Variants in FAT3 observed in about 807,000 individuals in gnomAD.
The protein encoded by FAT3 is protocadherin Fat 3.
A neutral mutation model predicts 310.2 loss-of-function variants in FAT3; 95 were observed. The ratio of observed to expected loss-of-function variants is 0.31; its 90% CI spans 0.26 to 0.36. The LOEUF is 0.36. Among genes scored for constraint, FAT3 ranks in the 10% least tolerant of loss-of-function variants. The pLI is 1.00. For missense variants in FAT3, 5,408 were observed against 5,715.6 expected (o/e 0.95, Z 1.74); for synonymous variants, 2,314 against 2,192.9 (o/e 1.06, Z -1.54).
At position 92,883,407 on chromosome 11, in the gene FAT3, G is replaced by T; in HGVS notation, c.12937+14G>T. The T allele has an allele frequency of 6.3e-7, 1 of 1,586,042 alleles. No individual in the cohort carries two copies. The highest frequency in any genetic ancestry group is 8.6e-7 in the Non-Finnish European group (1 of 1,164,288). On this transcript the variant is annotated intron_variant, in intron 24 of 27. Transcript: ENST00000525166. This position sits in a 1 kb window ranked among gnomAD's most constrained non-coding sequence, Gnocchi z 4.2. ...CGGGAACTGAGAGTGAGTAGGAAGTGGTAATGCTCACCCCTCGGTGCTTAC... is the reference window on the plus strand; with the variant it reads ...CGGGAACTGAGAGTGAGTAGGAAGTTGTAATGCTCACCCCTCGGTGCTTAC...
intron 3 of FAT3, among the ~76,000 whole-genome samples, chr11:92,664,398 C>A (rs1348131604): frequency 1.3e-5 from 2 of 152,142 alleles, no homozygotes; most frequent in Non-Finnish European, 2.9e-5. Flanking sequence ...AGGAGATGGT[C>A]CTCAATATCT....
At chr11:92,275,200 A>G (rs1296821535) in intron 1 of FAT3, among the ~76,000 whole-genome samples, 1 of 152,032 alleles carries the variant, frequency 6.6e-6, no homozygotes, top group Non-Finnish European at 1.5e-5. Context: ...CCAGACCCTC[A>G]TCTTCTTGTC....
chr11:92,685,345 A>G (rs563331251), intron 3 of FAT3, among the ~76,000 whole-genome samples: 1 of 152,280 alleles, frequency 6.6e-6, no homozygotes, highest in Non-Finnish European at 1.5e-5. Context: ...ACCAAAAAAC[A>G]TGGCTTTTTA....
At chr11:92,404,725 A>G (rs1233050026) in intron 2 of FAT3, among the ~76,000 whole-genome samples, 1 of 151,958 alleles carries the variant, frequency 6.6e-6, no homozygotes, top group Non-Finnish European at 1.5e-5. Context: ...GCTTCTGAAT[A>G]GCATTTGATT....
intron 2 of FAT3, among the ~76,000 whole-genome samples, chr11:92,369,994 A>G (rs1949142127): frequency 6.6e-6 from 1 of 152,200 alleles, no homozygotes; most frequent in African/African-American, 2.4e-5. Context: ...AATCACGAGT[A>G]ACAATATACC....
chr11:92,356,005 A>T (rs1948719874), intron 2 of FAT3, among the ~76,000 whole-genome samples: 1 of 152,210 alleles, frequency 6.6e-6, no homozygotes, highest in Non-Finnish European at 1.5e-5. Context: ...AATTTTATTT[A>T]TAAAAATTGA....
intron 1 of FAT3, among the ~76,000 whole-genome samples, chr11:92,256,394 TTA>T (rs200176764): frequency 4.0e-5 from 6 of 150,708 alleles, no homozygotes; most frequent in South Asian, 4.2e-4. Flanking sequence ...TCACAATTGT[TTA>T]TATATATATA....
rs748081064 is a variant in FAT3 at position 92,352,844 on chromosome 11, T to C, written c.732T>C (p.Asn244=). ...GGGGAATGAAACTGTATGGGAACAATGGAGTGAGCAGTACTGCAAAGCTTT... is the reference window on the plus strand; with the variant it reads ...GGGGAATGAAACTGTATGGGAACAACGGAGTGAGCAGTACTGCAAAGCTTT... ...VDRGMKLYGN[N]GVSSTAKLYV... The change falls in exon 2 of 28, where the codon AAT becomes AAC. Residue 244 remains asparagine, a synonymous_variant. Transcript: ENST00000525166. 5 of 1,613,872 alleles carry C rather than the reference T, an allele frequency of 3.1e-6. 1 individual carries two copies. The highest frequency in any genetic ancestry group is 3.4e-6 in the Non-Finnish European group (4 of 1,179,858).
rs1205272862 is a variant in FAT3, at chr11:92,352,612, T to C, written c.500T>C (p.Ile167Thr). 1 of 1,613,836 alleles carries C rather than the reference T, an allele frequency of 6.2e-7. No homozygotes were observed. The highest frequency in any genetic ancestry group is 8.5e-7 in the Non-Finnish European group (1 of 1,179,856). The change falls in exon 2 of 28, where the codon ATA (isoleucine) becomes ACA (threonine). Residue 167 changes from isoleucine to threonine, a missense_variant. Ile to Thr is a moderately conservative substitution (Grantham distance 89, BLOSUM62 -1). This residue lies in a region of FAT3 where 4,588 missense variants were observed against 4,809.8 expected (regional missense o/e 0.95). Transcript: ENST00000525166. ...TCACCCACAACATACTCTGTTACCA[T>C]AGCAGAAAGCACACCTCTAAGGACT... is the stretch of plus-strand genomic sequence containing the variant. Reference protein sequence around the residue: ...LFSPTTYSVTIAESTPLRTSV... With the variant: ...LFSPTTYSVTTAESTPLRTSV...
At chr11:92,630,823 A>T (rs1242668790) in intron 3 of FAT3, among the ~76,000 whole-genome samples, 6 of 152,080 alleles carry the variant, frequency 3.9e-5, no homozygotes, top group Admixed American at 3.9e-4. Context: ...TGAATGCTTA[A>T]CTCCATGAAT....
At chr11:92,855,049 A>C (rs1017541294) in intron 19 of FAT3, among the ~76,000 whole-genome samples, 3 of 152,218 alleles carry the variant, frequency 2.0e-5, no homozygotes, top group Non-Finnish European at 4.4e-5. Flanking sequence ...ATATGTGTAC[A>C]TTGCCACCTC....
chr11:92,730,519 G>A (rs1483172538), intron 4 of FAT3, among the ~76,000 whole-genome samples: 1 of 152,196 alleles, frequency 6.6e-6, no homozygotes, highest in East Asian at 1.9e-4. Context: ...GCAAGGAAAG[G>A]AACAGGACCA....
intron 2 of FAT3, among the ~76,000 whole-genome samples, chr11:92,504,183 A>G (rs1430488573): frequency 6.6e-6 from 1 of 152,164 alleles, no homozygotes; most frequent in Non-Finnish European, 1.5e-5. Context: ...GGAAAACACA[A>G]TGTGAGAGCC....
intron 1 of FAT3, among the ~76,000 whole-genome samples, chr11:92,249,252 GCAA>G (rs905008998): frequency 6.6e-6 from 1 of 152,054 alleles, no homozygotes; most frequent in African/African-American, 2.4e-5. Flanking sequence ...AATTGAGATG[GCAA>G]CGATGATCAG....
intron 3 of FAT3, among the ~76,000 whole-genome samples, chr11:92,666,581 C>T (rs749715521): frequency 3.2e-4 from 48 of 150,808 alleles, no homozygotes; most frequent in South Asian, 1.3e-3. Context: ...AGGATGGTCT[C>T]GATCTCCTGA....
chr11:92,381,969 G>T (rs1207147373), intron 2 of FAT3, among the ~76,000 whole-genome samples: 1 of 152,106 alleles, frequency 6.6e-6, no homozygotes. Context: ...AAGAGTTTTT[G>T]TTGGTTCTTC....
chr11:92,762,272 G>A (rs1320802497), intron 5 of FAT3, 102 bp downstream of exon 5: 3 of 1,213,746 alleles, frequency 2.5e-6, no homozygotes, highest in African/African-American at 3.0e-5. Context: ...AGTAAAAAGT[G>A]AAGCCACACA....
At chr11:92,471,975 A>C (rs1951920405) in intron 2 of FAT3, among the ~76,000 whole-genome samples, 1 of 143,404 alleles carries the variant, frequency 7.0e-6, no homozygotes, top group African/African-American at 2.6e-5. Context: ...TTACATACAT[A>C]ATTTATGTAT....
chr11:92,356,722 GAGTATGAATTTGTAGGGGA>G lies in FAT3; in HGVS notation c.3292+1319_3292+1337del, dbSNP rs553329626. Among the ~76,000 whole-genome samples the G allele has an allele frequency of 7.2e-5, 11 of 152,252 alleles. No individual in the cohort carries two copies. The South Asian group carries it at 2.3e-3, about 32-fold the overall frequency. On this transcript the variant is annotated intron_variant, in intron 2 of 27. Coordinates refer to ENST00000525166, the MANE Select transcript of FAT3 (RefSeq NM_001367949.2). The stretch of plus-strand genomic sequence containing the variant: ...CATCACATAGGGGGTTAGGGCTTCA[GAGTATGAATTTGTAGGGGA>G]CACATACATTCAGTTCATAACAGTC...
Sources: gnomAD v4.1 joint callset for allele counts (sites outside exome capture counted in the v4.1 genomes callset) on GRCh38, gnomAD v4.1.1 for gene constraint, gnomAD v4.1.1 regional missense constraint, Gnocchi (gnomAD v3.1) non-coding constraint, MANE v1.5 for transcripts, NCBI Gene and HGNC (gene_info 2026-07-23, HGNC 2026-07-21) for gene names.